NDUFAF6: variants seen among roughly 807,000 people sequenced by gnomAD.
The protein encoded by NDUFAF6 is NADH dehydrogenase (ubiquinone) complex I, assembly factor 6.
NDUFAF6 carries 45 observed loss-of-function variants against 40.8 expected under a neutral mutation model. That is an observed-to-expected ratio of 1.10 (90% confidence interval 0.87 to 1.42). The LOEUF (loss-of-function observed/expected upper bound fraction) is 1.42, where lower values mean the gene tolerates loss of function less well. Among genes scored for constraint, NDUFAF6 ranks in the 40% most tolerant of loss-of-function variants. The pLI, the probability that NDUFAF6 is intolerant of heterozygous loss-of-function variation, is 0.00. For missense variants in NDUFAF6, 435 were observed against 418.5 expected (o/e 1.04, Z -0.34); for synonymous variants, 185 against 155.9 (o/e 1.19, Z -1.39).
In NDUFAF6 at chr8:95,035,507, GA is replaced by G. The variant is rs1829391442; in HGVS notation, c.358del (p.Thr120LeufsTer28). 2 of 1,612,330 alleles carry G rather than the reference GA, an allele frequency of 1.2e-6. No individual in the cohort carries two copies. Among genetic ancestry groups the G allele is most frequent in the Non-Finnish European group, 1.7e-6 (2 of 1,179,514 alleles). On this transcript the variant is annotated frameshift_variant, in exon 3 of 9. Transcript: ENST00000396124. LOFTEE classifies it high-confidence loss of function. Reference protein sequence around the residue: ...TIGLMRMQFWKKTVEDIYCDN... With the variant: ...TIGLMRMQFWXKTVEDIYCDN... ...TTGGACTGATGCGAATGCAGTTTTG[GA>G]AAAAAACTGTGGAAGATATATACTG... is the stretch of plus-strand genomic sequence containing the variant.
intron 1 of NDUFAF6, among the ~76,000 whole-genome samples, chr8:94,914,262 C>G (rs905482488): frequency 6.6e-6 from 1 of 151,974 alleles, no homozygotes; most frequent in Non-Finnish European, 1.5e-5. Flanking sequence ...AAATAAAATC[C>G]TTTGAAGTCT....
At chr8:94,914,754 TAAAAATACA>T (rs1279045787) in intron 1 of NDUFAF6, among the ~76,000 whole-genome samples, 1 of 150,658 alleles carries the variant, frequency 6.6e-6, no homozygotes, top group Non-Finnish European at 1.5e-5. Flanking sequence ...CCGTCTCTAC[TAAAAATACA>T]AAAATTAGCT....
At chr8:95,105,024 C>T (rs1355906592), downstream of NDUFAF6, among the ~76,000 whole-genome samples, 3 of 143,786 alleles carry the variant, frequency 2.1e-5, no homozygotes, top group Non-Finnish European at 4.5e-5. Context: ...CACAGAGAAG[C>T]AATGATGCTA....
rs547387114 is a variant in NDUFAF6, at chr8:94,932,079, G to A, written c.-935-13404G>A. 6.1e-5 allele frequency: 99 copies of A among 1,610,132 alleles called. 1 individual carries two copies. In the South Asian group the frequency reaches 6.7e-4, roughly 11 times the overall value. ...AAGTGAATATACTTACTCTGTGCCC[G>A]TGAGTCTTATAAGCAGCTTTTCCTG... is the stretch of plus-strand genomic sequence containing the variant. On this transcript the variant is annotated intron_variant, in intron 1 of 14. Coordinates refer to the NDUFAF6 transcript ENST00000396113.
chr8:95,098,425 T>G (rs567781782), upstream of NDUFAF6, among the ~76,000 whole-genome samples: 114 of 152,226 alleles, frequency 7.5e-4, no homozygotes, highest in African/African-American at 2.7e-3. Context: ...CCCAGCACTT[T>G]GGGAGGCCGA....
At chr8:95,116,542 G>C (rs1810140428), downstream of NDUFAF6, 1 of 151,972 alleles carries the variant, frequency 6.6e-6, no homozygotes, top group Admixed American at 6.6e-5. Context: ...TTAGAGACGG[G>C]GTCTTGCTGT....
At chr8:95,064,451 T>A (rs910487063) in intron 9 of NDUFAF6, among the ~76,000 whole-genome samples, 24 of 151,812 alleles carry the variant, frequency 1.6e-4, no homozygotes, top group Non-Finnish European at 2.8e-4. Flanking sequence ...GGGGAAAAAA[T>A]AAACACAAAA....
chr8:95,004,288 A>T (rs183730728), intron 2 of NDUFAF6, among the ~76,000 whole-genome samples: 1 of 150,668 alleles, frequency 6.6e-6, no homozygotes, highest in East Asian at 2.0e-4. Context: ...CTCCAGGAAC[A>T]CTGGCCCTTG....
chr8:95,112,406 A>G (rs1369881007), intron 4 of NDUFAF6, among the ~76,000 whole-genome samples: 1 of 152,176 alleles, frequency 6.6e-6, no homozygotes, highest in African/African-American at 2.4e-5. Context: ...GCAGAGACAC[A>G]CGGGGGAGAC....
intron 1 of NDUFAF6, among the ~76,000 whole-genome samples, chr8:94,904,754 C>T (rs1159209553): frequency 1.3e-5 from 2 of 151,986 alleles, no homozygotes; most frequent in Non-Finnish European, 2.9e-5. Flanking sequence ...AATGTCCAGG[C>T]TCCTTTTTCA....
intron 9 of NDUFAF6, among the ~76,000 whole-genome samples, chr8:95,075,385 G>A (rs962445212): frequency 6.6e-6 from 1 of 152,120 alleles, no homozygotes; most frequent in African/African-American, 2.4e-5. Context: ...GGACCATACA[G>A]GAAAATTCAG....
intron 2 of NDUFAF6, among the ~76,000 whole-genome samples, chr8:95,091,225 A>T (rs980616569): frequency 6.6e-6 from 1 of 152,148 alleles, no homozygotes; most frequent in African/African-American, 2.4e-5. Flanking sequence ...ATTGACTCAC[A>T]GTTCCACATA....
chr8:95,011,314 G>C (rs569104472), intron 2 of NDUFAF6, among the ~76,000 whole-genome samples: 1 of 152,144 alleles, frequency 6.6e-6, no homozygotes, highest in Non-Finnish European at 1.5e-5. Context: ...ACAAGTCTAG[G>C]TTCCTCTCAC....
At chr8:94,914,452 G>A (rs2131239282) in intron 1 of NDUFAF6, among the ~76,000 whole-genome samples, 1 of 152,274 alleles carries the variant, frequency 6.6e-6, no homozygotes, top group South Asian at 2.1e-4. Context: ...CATTTTAGAT[G>A]TTGCTCTTTC....
chr8:94,953,508 C>T (rs1472275485), upstream of NDUFAF6, among the ~76,000 whole-genome samples: 1 of 152,194 alleles, frequency 6.6e-6, no homozygotes, highest in Non-Finnish European at 1.5e-5. Flanking sequence ...AGATGTGACT[C>T]GTTCTTGGGG....
chr8:95,016,382 A>G (rs906942762), intron 2 of NDUFAF6, among the ~76,000 whole-genome samples: 1 of 152,218 alleles, frequency 6.6e-6, no homozygotes, highest in African/African-American at 2.4e-5. Flanking sequence ...TAATTCTTGG[A>G]AGTTCTCTTC....
rs77113074 is a variant in NDUFAF6 at position 95,002,098 on chromosome 8, T to C, written c.-84+21125T>C. Among the ~76,000 whole-genome samples, 603 of 152,336 alleles carry C rather than the reference T, an allele frequency of 4.0e-3. 5 individuals carry two copies. The highest frequency in any genetic ancestry group is 0.014 in the African/African-American group (580 of 41,568). Reference sequence around the variant, plus strand: ...AGTTGTTAAATTATGTTCAGTGGAATGCTGCATCTGACTTTATTTATGAGT... The same window carrying C: ...AGTTGTTAAATTATGTTCAGTGGAACGCTGCATCTGACTTTATTTATGAGT... On this transcript the variant is annotated intron_variant, in intron 2 of 9. Coordinates refer to the NDUFAF6 transcript ENST00000396111.
chr8:94,938,709 A>G (rs777614803), intron 1 of NDUFAF6, among the ~76,000 whole-genome samples: 1 of 152,220 alleles, frequency 6.6e-6, no homozygotes, highest in South Asian at 2.1e-4. Flanking sequence ...AGGTTCCCGG[A>G]GGGTGGGGTG....
intron 1 of NDUFAF6, among the ~76,000 whole-genome samples, chr8:94,907,395 A>G (rs1324411319): frequency 6.6e-6 from 1 of 152,236 alleles, no homozygotes; most frequent in East Asian, 1.9e-4. Context: ...CTAGTGATCC[A>G]TTATTGGCTG....
Sources: allele counts gnomAD v4.1 joint callset (sites outside exome capture counted in the v4.1 genomes callset), GRCh38; gene constraint gnomAD v4.1.1; transcripts MANE v1.5; gene names NCBI Gene and HGNC (gene_info 2026-07-23, HGNC 2026-07-21).